Variants in ACYP2 observed in about 807,000 individuals in gnomAD.
ACYP2 encodes the protein acylphosphatase 2.
A neutral mutation model predicts 11.2 loss-of-function variants in ACYP2; 12 were observed. The observed-to-expected ratio is 1.08, with a 90% CI of 0.69 to 1.74. The LOEUF (loss-of-function observed/expected upper bound fraction) is 1.74, where lower values mean the gene tolerates loss of function less well. ACYP2 is among the 40% of genes most tolerant of loss of function. The probability of loss-of-function intolerance (pLI) is 0.00; values close to 1 mark genes in which losing one functional copy is unlikely to be tolerated. For missense variants in ACYP2, 134 were observed against 101.9 expected, an observed-to-expected ratio of 1.31 and a Z score of -1.35; for synonymous variants, 43 against 32.2, an observed-to-expected ratio of 1.33 and a Z score of -1.13.
chr2:54,000,329 T>A (rs1053423007), intron 2 of ACYP2, among the ~76,000 whole-genome samples: 5 of 152,154 alleles, frequency 3.3e-5, no homozygotes, highest in African/African-American at 1.2e-4. Context: ...AAGGCTGATG[T>A]CAGAGGTGTG....
At position 54,055,970 on chromosome 2, in the gene ACYP2, C is replaced by G. The variant is rs987275863; in HGVS notation, c.156-1269C>G. On this transcript the variant is annotated intron_variant, in intron 3 of 6. Transcript: ENST00000607452. ...CAGATATAGTACCCCCATAGGCATA[C>G]TGTAAATAGATTTCTTTCACTCCAT... Among the ~76,000 whole-genome samples, 4 of 152,110 alleles carry G rather than the reference C, an allele frequency of 2.6e-5. No individual in the cohort carries two copies. In the East Asian group the frequency reaches 7.7e-4, roughly 29 times the overall value.
At chr2:54,260,083 C>G (rs1687713676) in intron 6 of ACYP2, among the ~76,000 whole-genome samples, 1 of 152,098 alleles carries the variant, frequency 6.6e-6, no homozygotes, top group African/African-American at 2.4e-5. Flanking sequence ...GAGGTGGAAT[C>G]TAGTACCTAA....
intron 2 of ACYP2, among the ~76,000 whole-genome samples, chr2:54,046,574 C>G (rs1260549011): frequency 6.6e-6 from 1 of 151,626 alleles, no homozygotes; most frequent in Non-Finnish European, 1.5e-5. Flanking sequence ...CATAAGACCT[C>G]TTTCAGTGGA....
intron 4 of ACYP2, among the ~76,000 whole-genome samples, chr2:54,116,388 T>G (rs1679792126): frequency 6.6e-6 from 1 of 152,168 alleles, no homozygotes; most frequent in Non-Finnish European, 1.5e-5. Context: ...ATCCACCATC[T>G]TCATTTAAAA....
intron 6 of ACYP2, among the ~76,000 whole-genome samples, chr2:54,152,430 C>G (rs13414565): frequency 0.038 from 5,722 of 152,130 alleles, 127 homozygotes; most frequent in African/African-American, 0.044. Flanking sequence ...GTCCAGAGTT[C>G]ACTTGTGATG....
intron 6 of ACYP2, among the ~76,000 whole-genome samples, chr2:54,164,747 G>A (rs957452441): frequency 2.0e-5 from 3 of 152,120 alleles, no homozygotes; most frequent in Non-Finnish European, 4.4e-5. Context: ...GAACGTGCAG[G>A]TTTCTTAGAT....
At position 54,085,811 on chromosome 2, in the gene ACYP2, A is replaced by T. The variant is rs553075228; in HGVS notation, c.277+28451A>T. Among the ~76,000 whole-genome samples, 12 of 152,312 alleles carry T rather than the reference A, an allele frequency of 7.9e-5. No homozygotes were observed. The South Asian group carries it at 2.3e-3, about 29-fold the overall frequency. On this transcript the variant is annotated intron_variant, in intron 4 of 6. Transcript: ENST00000607452. ...AGTGAAGAATATATGGCTGTTAATT[A>T]TATCATTCTTTCAACTTTTTTGAAG...
intron 4 of ACYP2, among the ~76,000 whole-genome samples, chr2:54,126,252 T>TA (rs1404072234): frequency 6.6e-6 from 1 of 152,214 alleles, no homozygotes; most frequent in Non-Finnish European, 1.5e-5. Context: ...GTGTAACAGT[T>TA]ACGAGAAGAT....
At chr2:53,985,448 G>A (rs903964888) in intron 2 of ACYP2, among the ~76,000 whole-genome samples, 1 of 152,058 alleles carries the variant, frequency 6.6e-6, no homozygotes, top group Admixed American at 6.6e-5. Flanking sequence ...CAGGACCCAG[G>A]CTGATGGCTA....
chr2:54,055,126 T>C (rs148915232), intron 3 of ACYP2, among the ~76,000 whole-genome samples: 1 of 152,108 alleles, frequency 6.6e-6, no homozygotes, highest in Admixed American at 6.6e-5. Flanking sequence ...ACCCTCCACC[T>C]CCCGGGTTCA....
intron 2 of ACYP2, chr2:53,975,338 C>A (rs1173285045): frequency 2.5e-6 from 1 of 398,268 alleles, no homozygotes; most frequent in African/African-American, 2.1e-5. Context: ...AATAAGGTCT[C>A]TTCCTCTTAT....
At chr2:54,096,060 C>A (rs1678546649) in intron 4 of ACYP2, among the ~76,000 whole-genome samples, 1 of 131,950 alleles carries the variant, frequency 7.6e-6, no homozygotes, top group Admixed American at 7.4e-5. Context: ...GGGCTGACCC[C>A]CACCTCCCTC....
At chr2:54,158,501 C>T (rs1682544822) in intron 6 of ACYP2, among the ~76,000 whole-genome samples, 1 of 152,114 alleles carries the variant, frequency 6.6e-6, no homozygotes. Context: ...CCACTGCACC[C>T]AGCACGGTCT....
Position 54,011,216 on chromosome 2 carries a change from T to C in ACYP2, c.62+37406T>C, listed in dbSNP as rs150609320. ...CACAGGAAATAATATAACACTTTTA[T>C]TCCCAGAATAAAAATAGAATGCTTT... On this transcript the variant is annotated intron_variant, in intron 2 of 6. Transcript: ENST00000607452. Among the ~76,000 whole-genome samples the C allele has an allele frequency of 1.6e-3, 238 of 152,338 alleles. 1 individual carries two copies. Among genetic ancestry groups the C allele is most frequent in the African/African-American group, 5.3e-3 (219 of 41,588 alleles).
At chr2:54,065,562 G>A (rs745398603) in intron 4 of ACYP2, 13 of 398,424 alleles carry the variant, frequency 3.3e-5, no homozygotes, top group Non-Finnish European at 5.8e-5. Context: ...ATTCAGAGCT[G>A]AGGCTTCATC....
At chr2:54,058,309 T>TAAAA (rs36054811) in intron 4 of ACYP2, among the ~76,000 whole-genome samples, 50 of 144,748 alleles carry the variant, frequency 3.5e-4, no homozygotes, top group East Asian at 1.8e-3. Context: ...AAGCTTATAT[T>TAAAA]AAAAAAAAAA....
chr2:54,128,403 C>T (rs1236246754), intron 4 of ACYP2, among the ~76,000 whole-genome samples: 1 of 151,944 alleles, frequency 6.6e-6, no homozygotes, highest in African/African-American at 2.4e-5. Flanking sequence ...GGTAGTGGCT[C>T]ATGCTTGTAA....
intron 6 of ACYP2, among the ~76,000 whole-genome samples, chr2:54,198,176 C>A (rs1684595523): frequency 6.6e-6 from 1 of 152,018 alleles, no homozygotes; most frequent in African/African-American, 2.4e-5. Context: ...TGCGCCACTG[C>A]ACATGGCTAA....
At chr2:54,113,427 G>A (rs1395913167) in intron 4 of ACYP2, among the ~76,000 whole-genome samples, 1 of 151,998 alleles carries the variant, frequency 6.6e-6, no homozygotes, top group Non-Finnish European at 1.5e-5. Flanking sequence ...ATTTTTTATA[G>A]AGGCGGGGCT....
Sources: allele counts gnomAD v4.1 joint callset (sites outside exome capture counted in the v4.1 genomes callset), GRCh38; gene constraint gnomAD v4.1.1; transcripts MANE v1.5; gene names NCBI Gene and HGNC (gene_info 2026-07-23, HGNC 2026-07-21).